EPHX2: variants seen among roughly 807,000 people sequenced by gnomAD.
EPHX2 encodes the protein bifunctional epoxide hydrolase 2.
A neutral mutation model predicts 78.7 loss-of-function variants in EPHX2; 74 were observed. The observed-to-expected ratio is 0.94, with a 90% CI of 0.78 to 1.14. The LOEUF is 1.14. Ranked by LOEUF, EPHX2 falls within the 50% of genes most tolerant of loss-of-function variation. The probability of loss-of-function intolerance (pLI) is 0.00; values close to 1 mark genes in which losing one functional copy is unlikely to be tolerated. For missense variants in EPHX2, 715 were observed against 702.5 expected, an observed-to-expected ratio of 1.02 and a Z score of -0.20; for synonymous variants, 251 against 255.2, an observed-to-expected ratio of 0.98 and a Z score of 0.16.
At chr8:27,541,628 G>A in intron 16 of EPHX2, 86 bp downstream of exon 16, 3 of 1,438,970 alleles carry the variant, frequency 2.1e-6, no homozygotes, top group Middle Eastern at 1.9e-4. Flanking sequence ...TATGACCTGG[G>A]CCAGAGCTGG....
At chr8:27,539,927 C>CAA (rs1669985820) in intron 14 of EPHX2, among the ~76,000 whole-genome samples, 1 of 152,202 alleles carries the variant, frequency 6.6e-6, no homozygotes, top group Non-Finnish European at 1.5e-5. Flanking sequence ...CAGGCACCAG[C>CAA]ATTGAGGCTG....
intron 1 of EPHX2, among the ~76,000 whole-genome samples, chr8:27,495,649 TC>T (rs912725620): frequency 6.6e-6 from 1 of 152,148 alleles, no homozygotes; most frequent in African/African-American, 2.4e-5. Context: ...GACAGTGAGA[TC>T]CTTTCTTTGT....
chr8:27,494,199 A>G (rs893765402), intron 1 of EPHX2, among the ~76,000 whole-genome samples: 1 of 152,164 alleles, frequency 6.6e-6, no homozygotes, highest in African/African-American at 2.4e-5. Context: ...AATTACACTG[A>G]TGGGATAGTA....
chr8:27,500,244 A>G (rs1230923165), intron 1 of EPHX2, among the ~76,000 whole-genome samples: 1 of 151,970 alleles, frequency 6.6e-6, no homozygotes, highest in African/African-American at 2.4e-5. Context: ...AGTGTGTAGC[A>G]CTTACCTCTT....
In EPHX2 at chr8:27,515,753, C is replaced by T. The variant is rs149027622; in HGVS notation, c.771C>T (p.Ser257=). The change falls in exon 7 of 19, where the codon TCC becomes TCT. Residue 257 remains serine (S), a synonymous_variant. Coordinates refer to ENST00000521400, the MANE Select transcript of EPHX2 (RefSeq NM_001979.6). Reference sequence around the variant, plus strand: ...GTCTGCATTTTGTGGAGCTGGGCTCCGGCCCTGCTGTGTGCCTCTGCCATG... The same window carrying T: ...GTCTGCATTTTGTGGAGCTGGGCTCTGGCCCTGCTGTGTGCCTCTGCCATG... ...RVRLHFVELG[S]GPAVCLCHGF... The T allele has an allele frequency of 4.4e-4, 708 of 1,614,102 alleles. 2 individuals are homozygous for T. Among genetic ancestry groups the T allele is most frequent in the Middle Eastern group, 1.6e-3 (10 of 6,062 alleles).
chr8:27,515,250 G>A (rs72475841), intron 6 of EPHX2, among the ~76,000 whole-genome samples: 9 of 152,222 alleles, frequency 5.9e-5, no homozygotes, highest in African/African-American at 2.2e-4. Flanking sequence ...CAAACTGCGA[G>A]CCTATATTTT....
chr8:27,544,127 C>A (rs765541700), intron 17 of EPHX2, 59 bp from the exon 18 acceptor site: 83 of 1,595,890 alleles, frequency 5.2e-5, no homozygotes, highest in Non-Finnish European at 7.0e-5. Context: ...ATTGCACTAG[C>A]TAGAGACACA....
At chr8:27,528,754 C>T (rs1256509674) in intron 12 of EPHX2, among the ~76,000 whole-genome samples, 1 of 152,092 alleles carries the variant, frequency 6.6e-6, no homozygotes, top group East Asian at 1.9e-4. Context: ...AAGGAAGACT[C>T]CTTCTGTGCT....
intron 4 of EPHX2, among the ~76,000 whole-genome samples, 165 bp from the exon 5 acceptor site, chr8:27,506,707 T>C (rs1188229711): frequency 5.3e-5 from 8 of 152,234 alleles, no homozygotes; most frequent in Admixed American, 4.6e-4. Context: ...TGGGGTCATA[T>C]GTGCCTTTGT....
At position 27,505,117 on chromosome 8, in the gene EPHX2, C is replaced by T. The variant is rs1292464264; in HGVS notation, c.508C>T (p.Leu170=). The T allele has an allele frequency of 1.9e-6, 3 of 1,614,120 alleles. No homozygotes were observed. The highest frequency in any genetic ancestry group is 2.5e-6 in the Non-Finnish European group (3 of 1,180,026). The change falls in exon 4 of 19, where the codon CTG becomes TTG. Residue 170 remains leucine (L), a synonymous_variant. Coordinates refer to ENST00000521400, the MANE Select transcript of EPHX2 (RefSeq NM_001979.6). The part of the protein sequence containing the change: ...KPEPQIYKFL[L]DTLKASPSEV... ...TGAACCTCAGATCTACAAGTTTCTG[C>T]TGGACACCCTGAAGGCCAGCCCCAG...
rs746887626 is a variant in EPHX2 at position 27,543,791 on chromosome 8, G to A, written c.1492G>A (p.Val498Met). The A allele has an allele frequency of 9.9e-6, 16 of 1,613,958 alleles. No individual in the cohort carries two copies. The highest frequency in any genetic ancestry group is 1.3e-5 in the African/African-American group (1 of 74,890). The change falls in exon 17 of 19, where the codon GTG becomes ATG. Residue 498 changes from valine (V) to methionine (M), a missense_variant. Val to Met is a conservative substitution (Grantham distance 21). Transcript: ENST00000521400. ...GATGGTCACGGCGGAGAAGGACTTC[G>A]TGCTCGTTCCTCAGATGTCCCAGCA... is the stretch of plus-strand genomic sequence containing the variant. ...ALMVTAEKDF[V>M]LVPQMSQHME...
intron 16 of EPHX2, among the ~76,000 whole-genome samples, chr8:27,542,001 G>C (rs4149256): frequency 0.098 from 14,834 of 151,950 alleles, 798 homozygotes; most frequent in East Asian, 0.2. Flanking sequence ...TCAAGCAGAA[G>C]ATGAGTTTCC....
At chr8:27,540,328 G>A (rs1563363933) in intron 14 of EPHX2, among the ~76,000 whole-genome samples, 1 of 152,128 alleles carries the variant, frequency 6.6e-6, no homozygotes, top group African/African-American at 2.4e-5. Context: ...GTGAAGTCGT[G>A]GCTAGGTGGG....
chr8:27,516,214 C>T, intron 7 of EPHX2, 106 bp from the exon 8 acceptor site: 2 of 1,149,110 alleles, frequency 1.7e-6, no homozygotes, highest in South Asian at 2.7e-5. Flanking sequence ...CCCTGTGGCT[C>T]TTGGTTTGAT....
chr8:27,493,787 T>G (rs1235931267), intron 1 of EPHX2, among the ~76,000 whole-genome samples: 1 of 152,070 alleles, frequency 6.6e-6, no homozygotes, highest in Admixed American at 6.5e-5. Flanking sequence ...GTTAAAAAGG[T>G]GTGTGAGTTT....
chr8:27,497,421 C>G (rs10104713), intron 1 of EPHX2, among the ~76,000 whole-genome samples: 17,598 of 152,212 alleles, frequency 0.12, 1,067 homozygotes, highest in African/African-American at 0.17. Context: ...TTGGCCTGCT[C>G]TGTTTTCTGT....
At chr8:27,533,783 G>T (rs1159991165) in intron 12 of EPHX2, among the ~76,000 whole-genome samples, 1 of 152,046 alleles carries the variant, frequency 6.6e-6, no homozygotes, top group African/African-American at 2.4e-5. Context: ...TAGAGTCAGG[G>T]TCTCTACTGT....
At chr8:27,526,067 T>A (rs1194525453) in intron 12 of EPHX2, among the ~76,000 whole-genome samples, 1 of 152,228 alleles carries the variant, frequency 6.6e-6, no homozygotes, top group African/African-American at 2.4e-5. Flanking sequence ...TGCATCCACT[T>A]GCAGGAATTA....
At chr8:27,531,735 C>T (rs553504892) in intron 12 of EPHX2, among the ~76,000 whole-genome samples, 1 of 152,304 alleles carries the variant, frequency 6.6e-6, no homozygotes, top group African/African-American at 2.4e-5. Context: ...GTCTCACCCA[C>T]AAAACAATAG....
Sources: gnomAD v4.1 joint callset for allele counts (sites outside exome capture counted in the v4.1 genomes callset) on GRCh38, gnomAD v4.1.1 for gene constraint, MANE v1.5 for transcripts, NCBI Gene and HGNC (gene_info 2026-07-23, HGNC 2026-07-21) for gene names.